The following SAMD12 variants were observed in gnomAD, a reference collection of about 807,000 sequenced individuals.
SAMD12 encodes sterile alpha motif domain containing 12.
In SAMD12, 9 loss-of-function variants were observed where a neutral mutation model predicts 15.0. The observed-to-expected ratio is 0.60, with a 90% CI of 0.36 to 1.05. The LOEUF (loss-of-function observed/expected upper bound fraction) is 1.05, where lower values mean the gene tolerates loss of function less well. Ranked by LOEUF, SAMD12 falls within the 50% of genes least tolerant of loss-of-function variation. SAMD12 has a pLI of 0.01. For missense variants in SAMD12, 230 were observed against 234.2 expected (o/e 0.98, Z 0.12); for synonymous variants, 86 against 90.1 (o/e 0.96, Z 0.25).
At chr8:118,395,226 C>T (rs987508124) in intron 3 of SAMD12, among the ~76,000 whole-genome samples, 2 of 152,146 alleles carry the variant, frequency 1.3e-5, no homozygotes, top group Non-Finnish European at 2.9e-5. Flanking sequence ...ATGTATGGTA[C>T]ATCCATGCCA....
intron 2 of SAMD12, among the ~76,000 whole-genome samples, chr8:118,470,511 C>T (rs769159637): frequency 6.6e-5 from 10 of 152,124 alleles, no homozygotes; most frequent in African/African-American, 1.2e-4. Context: ...TTAGCTGAGT[C>T]GCCCAACCTG....
intron 2 of SAMD12, among the ~76,000 whole-genome samples, chr8:118,520,373 C>T (rs1300102790): frequency 2.6e-5 from 4 of 152,054 alleles, no homozygotes; most frequent in Middle Eastern, 6.3e-3. Flanking sequence ...TCATACTGTA[C>T]GGGTGTGAGA....
In SAMD12 at chr8:118,379,666, G is replaced by A. The variant is rs150265138; in HGVS notation, c.357C>T (p.Leu119=). 177 of 1,613,826 alleles carry A rather than the reference G, an allele frequency of 1.1e-4. 1 individual carries two copies. In the African/African-American group the frequency reaches 1.5e-3, roughly 13 times the overall value. The part of the protein sequence containing the change: ...RALLRLTDKK[L]ERMGIAQENL... ...TCTCCTGGGCAATCCCCATTCGCTC[G>A]AGCTTTTTGTCAGTAAGTCTCAGCA... is the stretch of plus-strand genomic sequence containing the variant. Residue 119 remains leucine (L), a synonymous_variant, in exon 4 of 4, where the codon CTC becomes CTT. Coordinates refer to ENST00000314727, the MANE Select transcript of SAMD12 (RefSeq NM_207506.3).
intron 1 of SAMD12, among the ~76,000 whole-genome samples, chr8:118,611,089 G>C (rs1828098756): frequency 6.6e-6 from 1 of 152,140 alleles, no homozygotes; most frequent in Non-Finnish European, 1.5e-5. Flanking sequence ...CTCAGACTCT[G>C]GCACACTTGG....
intron 4 of SAMD12, among the ~76,000 whole-genome samples, chr8:118,253,835 T>C (rs1202081741): frequency 6.6e-6 from 1 of 152,168 alleles, no homozygotes; most frequent in Non-Finnish European, 1.5e-5. Context: ...CACTTATTCT[T>C]AATTCCAACA....
At chr8:118,531,512 C>T (rs952156173) in intron 2 of SAMD12, among the ~76,000 whole-genome samples, 5 of 152,106 alleles carry the variant, frequency 3.3e-5, no homozygotes, top group Non-Finnish European at 7.4e-5. Context: ...TATAAATTAC[C>T]TTGGGCAGTA....
chr8:118,440,015 C>A, intron 2 of SAMD12, 54 bp from the exon 3 acceptor site: 1 of 1,588,348 alleles, frequency 6.3e-7, no homozygotes, highest in Admixed American at 1.7e-5. Context: ...TAGGAAGACA[C>A]TATAGTTAAA....
chr8:118,176,223 C>T, the SAMD12 span, among the ~76,000 whole-genome samples: 1 of 152,150 alleles, frequency 6.6e-6, no homozygotes, highest in East Asian at 1.9e-4. Context: ...ATTGCTTGAA[C>T]CCGGGAGGCG....
chr8:118,509,615 T>G (rs77846363), intron 2 of SAMD12, among the ~76,000 whole-genome samples: 3,575 of 152,314 alleles, frequency 0.023, 115 homozygotes, highest in African/African-American at 0.076. Context: ...ACTCAAAATG[T>G]AGCATCACAC....
intron 4 of SAMD12, among the ~76,000 whole-genome samples, chr8:118,345,205 T>C (rs1416801871): frequency 2.6e-5 from 4 of 152,208 alleles, no homozygotes; most frequent in Non-Finnish European, 4.4e-5. Flanking sequence ...AAATTACCTA[T>C]AGTATTCAGT....
intron 2 of SAMD12, among the ~76,000 whole-genome samples, chr8:118,509,187 G>C (rs781312614): frequency 1.3e-5 from 2 of 152,152 alleles, no homozygotes; most frequent in African/African-American, 2.4e-5. Flanking sequence ...ATGTGTGTCT[G>C]TGTGTGTGTT....
intron 4 of SAMD12, among the ~76,000 whole-genome samples, chr8:118,309,355 G>A (rs1173047703): frequency 6.9e-6 from 1 of 143,966 alleles, no homozygotes; most frequent in African/African-American, 2.5e-5. Context: ...GTATTCAATG[G>A]TGTATATATA....
intron 2 of SAMD12, among the ~76,000 whole-genome samples, chr8:118,516,659 G>T (rs1328163861): frequency 7.0e-6 from 1 of 142,530 alleles, no homozygotes; most frequent in Non-Finnish European, 1.5e-5. Context: ...TTTGGAGATG[G>T]AGTCTCACTC....
intron 4 of SAMD12, chr8:118,295,663 T>G (rs968062408): frequency 5.9e-5 from 9 of 152,026 alleles, no homozygotes; most frequent in Admixed American, 3.3e-4. Context: ...TTTTTTTTTT[T>G]TTTTGAGACA....
Position 118,252,068 on chromosome 8 carries a change from T to C in SAMD12, c.434-54336A>G, listed in dbSNP as rs542542885. 6.6e-5 allele frequency among the ~76,000 whole-genome samples: 10 copies of C among 152,306 alleles called. 1 individual carries two copies. The South Asian group carries it at 2.1e-3, about 32-fold the overall frequency. On this transcript the variant is annotated intron_variant, in intron 4 of 4. Transcript: ENST00000409003. The stretch of plus-strand genomic sequence containing the variant: ...TGCCGCAGAGGGCAGAACCTAAGGT[T>C]TGAATTTGCAGGTATCTTGGCTTTA...
At chr8:118,590,444 T>A (rs1027682447) in intron 1 of SAMD12, among the ~76,000 whole-genome samples, 2 of 152,196 alleles carry the variant, frequency 1.3e-5, no homozygotes, top group African/African-American at 4.8e-5. Context: ...AAGGCTGGAT[T>A]TTCACCTCTA....
chr8:118,391,831 C>T (rs1362419691), intron 3 of SAMD12, among the ~76,000 whole-genome samples: 1 of 151,924 alleles, frequency 6.6e-6, no homozygotes, highest in Admixed American at 6.6e-5. Context: ...TTAAAAATTA[C>T]CCAGAAATGT....
intron 3 of SAMD12, among the ~76,000 whole-genome samples, chr8:118,384,524 C>T (rs1158021007): frequency 1.3e-5 from 2 of 151,966 alleles, no homozygotes; most frequent in Non-Finnish European, 2.9e-5. Context: ...CTTTACAATG[C>T]CCAGAAGTGG....
rs1489812481 is a variant in SAMD12, at chr8:118,377,992, C to T, written c.*1425G>A. The T allele has an allele frequency of 6.6e-6, 1 of 152,206 alleles. No individual in the cohort carries two copies. Among genetic ancestry groups the T allele is most frequent in the African/African-American group, 2.4e-5 (1 of 41,458 alleles). The allele number at this position is 152,206 out of a possible 1,614,324, so 9.4% of individuals were successfully genotyped here. A position where few individuals can be genotyped will look rare whatever the true frequency, so the allele number is the denominator to read the frequency against. On this transcript the variant is annotated 3_prime_UTR_variant, in exon 4 of 4. Transcript: ENST00000314727. ...GAATTTAAGTCACCCACTTATCCCA[C>T]AATCCAGAGAGATCCTTTATTAAAA... is the stretch of plus-strand genomic sequence containing the variant.
Sources: allele counts gnomAD v4.1 joint callset (sites outside exome capture counted in the v4.1 genomes callset), GRCh38; gene constraint gnomAD v4.1.1; transcripts MANE v1.5; gene names NCBI Gene and HGNC (gene_info 2026-07-23, HGNC 2026-07-21).